FBLN1: variants seen among roughly 807,000 people sequenced by gnomAD.
FBLN1 encodes the protein fibulin-1.
In FBLN1, 34 loss-of-function variants were observed where a neutral mutation model predicts 89.7. The ratio of observed to expected loss-of-function variants is 0.38; its 90% confidence interval spans 0.29 to 0.50. The LOEUF (loss-of-function observed/expected upper bound fraction) is 0.50, where lower values mean the gene tolerates loss of function less well. Among genes scored for constraint, FBLN1 ranks in the 20% least tolerant of loss-of-function variants. FBLN1 has a pLI of 0.92. For synonymous variants in FBLN1, 393 were observed against 391.3 expected (o/e 1.00, Z -0.05); for missense variants, 777 against 988.1 (o/e 0.79, Z 2.86).
intron 4 of FBLN1, among the ~76,000 whole-genome samples, chr22:45,529,726 C>T (rs538888477): frequency 1.2e-4 from 18 of 152,210 alleles, no homozygotes; most frequent in East Asian, 9.7e-4. Context: ...ATTAGCTGGG[C>T]GTGGTGGCGG....
At chr22:45,570,355 G>GAAAAGAAAAAAAAAA (rs1569260993) in intron 14 of FBLN1, among the ~76,000 whole-genome samples, 1 of 108,636 alleles carries the variant, frequency 9.2e-6, no homozygotes, top group Non-Finnish European at 1.8e-5. Context: ...GAAAAGAAAA[G>GAAAAGAAAAAAAAAA]AAAAAAAAAA....
At chr22:45,526,193 G>T (rs149423199) in intron 3 of FBLN1, among the ~76,000 whole-genome samples, 3 of 152,312 alleles carry the variant, frequency 2.0e-5, no homozygotes, top group African/African-American at 7.2e-5. Context: ...CTCCAAAATG[G>T]CCTCTCTGCA....
intron 16 of FBLN1, among the ~76,000 whole-genome samples, chr22:45,587,488 C>G (rs539930764): frequency 6.6e-6 from 1 of 152,312 alleles, no homozygotes; most frequent in African/African-American, 2.4e-5. Context: ...TCGCCTGCTC[C>G]TACCCTCCAG....
intron 14 of FBLN1, among the ~76,000 whole-genome samples, chr22:45,568,651 A>C (rs76471579): frequency 1.1e-5 from 1 of 87,788 alleles, no homozygotes; most frequent in African/African-American, 6.3e-5. Flanking sequence ...TCTGTGGGAG[A>C]ATGCTCCTTC....
rs1480462532 is a variant in FBLN1, at chr22:45,590,746, G to A, written c.1973-9561G>A. On this transcript the variant is annotated intron_variant, in intron 16 of 16. Transcript: ENST00000327858. This position sits in a 1 kb window ranked among gnomAD's most constrained non-coding sequence, Gnocchi z 4.1. ...TGATGGTTTAACCTGAGGGATGGGAGTAAGGGGCCTATCGAGGGCGACTCC... is the reference window on the plus strand; with the variant it reads ...TGATGGTTTAACCTGAGGGATGGGAATAAGGGGCCTATCGAGGGCGACTCC... Among the ~76,000 whole-genome samples the A allele has an allele frequency of 6.6e-6, 1 of 152,182 alleles. No homozygotes were observed. The highest frequency in any genetic ancestry group is 1.9e-4 in the East Asian group (1 of 5,196).
At chr22:45,599,645 C>G (rs1205042468) in intron 16 of FBLN1, among the ~76,000 whole-genome samples, 1 of 152,172 alleles carries the variant, frequency 6.6e-6, no homozygotes, top group Non-Finnish European at 1.5e-5. Flanking sequence ...AGGCCAGTCA[C>G]GGTCGCTCAT....
intron 14 of FBLN1, among the ~76,000 whole-genome samples, chr22:45,551,578 G>A (rs1233918807): frequency 1.3e-5 from 2 of 152,224 alleles, no homozygotes; most frequent in African/African-American, 4.8e-5. Context: ...TCATTGGCTG[G>A]CCCAGCCATT....
At position 45,545,272 on chromosome 22, in the gene FBLN1, C is replaced by T. The variant is rs1405604889; in HGVS notation, c.1321+1746C>T. 1.3e-5 allele frequency among the ~76,000 whole-genome samples: 2 copies of T among 152,130 alleles called. No individual in the cohort carries two copies. Among genetic ancestry groups the T allele is most frequent in the Non-Finnish European group, 2.9e-5 (2 of 68,034 alleles). ...CATTTCCATGGCCTTGAAGAAGTAA[C>T]TCAGTCTTTCCTGGGCCATGGTGTC... is the stretch of plus-strand genomic sequence containing the variant. On this transcript the variant is annotated intron_variant, in intron 11 of 16. Transcript: ENST00000327858. This position sits in a 1 kb window ranked among gnomAD's most constrained non-coding sequence, Gnocchi z 5.9.
Position 45,590,933 on chromosome 22 carries a change from C to T in FBLN1, c.1973-9374C>T, listed in dbSNP as rs1260320101. ...ATTGGAGTGGACTCCGAGTTTGGGTCGGGGGCCCAGGAGGACCCCACCCAG... is the reference window on the plus strand; with the variant it reads ...ATTGGAGTGGACTCCGAGTTTGGGTTGGGGGCCCAGGAGGACCCCACCCAG... On this transcript the variant is annotated intron_variant, in intron 16 of 16. Coordinates refer to ENST00000327858, the MANE Select transcript of FBLN1 (RefSeq NM_006486.3). This position sits in a 1 kb window ranked among gnomAD's most constrained non-coding sequence, Gnocchi z 4.1. Among the ~76,000 whole-genome samples the T allele has an allele frequency of 4.0e-5, 6 of 151,704 alleles. No homozygotes were observed. In the South Asian group the frequency reaches 1.0e-3, roughly 26 times the overall value.
chr22:45,544,960 A>G (rs535601134), intron 11 of FBLN1, among the ~76,000 whole-genome samples: 1 of 152,326 alleles, frequency 6.6e-6, no homozygotes, highest in African/African-American at 2.4e-5. Context: ...ACAATCGTCC[A>G]CATTGCCGAT....
chr22:45,545,142 G>A lies in FBLN1; in HGVS notation c.1321+1616G>A, dbSNP rs574268911. On this transcript the variant is annotated intron_variant, in intron 11 of 16. Transcript: ENST00000327858. This position sits in a 1 kb window ranked among gnomAD's most constrained non-coding sequence, Gnocchi z 5.9. ...GTGCATGATTCTCAAATCGGAGGAC[G>A]GACGGTGTGAGGGGTCCTGGGCTTA... Among the ~76,000 whole-genome samples the A allele has an allele frequency of 3.3e-5, 5 of 152,314 alleles. No homozygotes were observed. Among genetic ancestry groups the A allele is most frequent in the Non-Finnish European group, 7.4e-5 (5 of 68,022 alleles).
chr22:45,545,869 A>T lies in FBLN1; in HGVS notation c.1322-1216A>T, dbSNP rs1431264876. 6.6e-6 allele frequency among the ~76,000 whole-genome samples: 1 copy of T among 152,162 alleles called. No homozygotes were observed. The highest frequency in any genetic ancestry group is 1.5e-5 in the Non-Finnish European group (1 of 68,018). ...ACCATGGTAAAAGAATGAGTGTGGC[A>T]GGGCACAGTGGCTCACACCTGTAAT... On this transcript the variant is annotated intron_variant, in intron 11 of 16. Coordinates refer to ENST00000327858, the MANE Select transcript of FBLN1 (RefSeq NM_006486.3). The surrounding 1 kb of genome is among the most constrained non-coding windows in gnomAD (Gnocchi z 5.9).
At chr22:45,600,163 AC>A in intron 16 of FBLN1, 143 bp from the exon 17 acceptor site, 2 of 915,712 alleles carry the variant, frequency 2.2e-6, no homozygotes, top group South Asian at 2.8e-5. Flanking sequence ...TATTCAGGGG[AC>A]TCGAGCATCT....
chr22:45,536,899 G>C lies in FBLN1; in HGVS notation c.922+1562G>C, dbSNP rs866334857. Reference sequence around the variant, plus strand: ...ACGCTAGAGGAGCTGTGTGGGGTGCGGCCGGGGAGCTGGCCGGCCTGGGTT... The same window carrying C: ...ACGCTAGAGGAGCTGTGTGGGGTGCCGCCGGGGAGCTGGCCGGCCTGGGTT... On this transcript the variant is annotated intron_variant, in intron 8 of 16. Transcript: ENST00000327858. This position sits in a 1 kb window ranked among gnomAD's most constrained non-coding sequence, Gnocchi z 5.1. Among the ~76,000 whole-genome samples, 1 of 152,230 alleles carries C rather than the reference G, an allele frequency of 6.6e-6. No individual in the cohort carries two copies. Among genetic ancestry groups the C allele is most frequent in the Non-Finnish European group, 1.5e-5 (1 of 68,038 alleles).
In FBLN1 at chr22:45,564,396, G is replaced by A. The variant is rs537845672; in HGVS notation, c.1698-10115G>A. Among the ~76,000 whole-genome samples the A allele has an allele frequency of 5.9e-5, 9 of 152,324 alleles. No homozygotes were observed. In the South Asian group the frequency reaches 1.7e-3, roughly 28 times the overall value. On this transcript the variant is annotated intron_variant, in intron 14 of 16. Coordinates refer to ENST00000327858, the MANE Select transcript of FBLN1 (RefSeq NM_006486.3). ...CAGATCCTCAAGATGTCTGAAGGCC[G>A]TGCCTAATTTAGTCCTTGCATGCAA...
At chr22:45,552,221 G>T (rs2088712510) in intron 14 of FBLN1, among the ~76,000 whole-genome samples, 1 of 152,258 alleles carries the variant, frequency 6.6e-6, no homozygotes, top group Non-Finnish European at 1.5e-5. Flanking sequence ...GGCTGGGCGT[G>T]AGGGTGGGCA....
chr22:45,573,719 C>G (rs1037403678), intron 14 of FBLN1, among the ~76,000 whole-genome samples: 11 of 147,726 alleles, frequency 7.4e-5, no homozygotes, highest in Non-Finnish European at 4.5e-5. Context: ...AGAGCACTGC[C>G]GTGGGACTCA....
rs1602181916 is a variant in FBLN1, at chr22:45,531,773, G to C, written c.544+449G>C. Among the ~76,000 whole-genome samples, 1 of 152,176 alleles carries C rather than the reference G, an allele frequency of 6.6e-6. No individual in the cohort carries two copies. Among genetic ancestry groups the C allele is most frequent in the East Asian group, 1.9e-4 (1 of 5,180 alleles). On this transcript the variant is annotated intron_variant, in intron 5 of 16. Transcript: ENST00000327858. This position sits in a 1 kb window ranked among gnomAD's most constrained non-coding sequence, Gnocchi z 4.9. ...GGAGGGGCCCTGGTGAGGCCCTGCT[G>C]GGGAGGGTGGCCCAGGCCCAGGGCC...
At chr22:45,529,691 C>A (rs1349998117) in intron 4 of FBLN1, among the ~76,000 whole-genome samples, 1 of 152,162 alleles carries the variant, frequency 6.6e-6, no homozygotes, top group Non-Finnish European at 1.5e-5. Context: ...CATGGGGAAA[C>A]CCTGTCTCTA....
Sources: gnomAD v4.1 joint callset for allele counts (sites outside exome capture counted in the v4.1 genomes callset) on GRCh38, gnomAD v4.1.1 for gene constraint, Gnocchi (gnomAD v3.1) non-coding constraint, MANE v1.5 for transcripts, NCBI Gene and HGNC (gene_info 2026-07-23, HGNC 2026-07-21) for gene names.